WWOX: variants seen among roughly 807,000 people sequenced by gnomAD.
WWOX encodes the protein WW domain containing oxidoreductase, also known as WW domain-containing oxidoreductase.
Under a neutral mutation model 46.2 loss-of-function variants are expected in WWOX, and 69 were observed. That is an observed-to-expected ratio of 1.49 (90% CI 1.23 to 1.82). The LOEUF (loss-of-function observed/expected upper bound fraction) is 1.82. WWOX is among the 40% of genes most tolerant of loss of function. The pLI is 0.00. For missense variants in WWOX, 919 were observed against 542.6 expected, an observed-to-expected ratio of 1.69 and a Z score of -6.89; for synonymous variants, 359 against 202.6, an observed-to-expected ratio of 1.77 and a Z score of -6.56.
intron 8 of WWOX, among the ~76,000 whole-genome samples, chr16:78,685,952 G>C (rs1003909280): frequency 2.1e-4 from 32 of 151,968 alleles, no homozygotes; most frequent in African/African-American, 7.2e-4. Flanking sequence ...GAGAGACATG[G>C]ACCCACGGGG....
intron 5 of WWOX, among the ~76,000 whole-genome samples, chr16:78,359,520 A>G (rs1409602535): frequency 6.6e-6 from 1 of 152,158 alleles, no homozygotes; most frequent in Non-Finnish European, 1.5e-5. Flanking sequence ...TTTTTAATCT[A>G]TCTTAGAGCT....
At chr16:78,602,462 G>A (rs981722927) in intron 8 of WWOX, among the ~76,000 whole-genome samples, 3 of 152,106 alleles carry the variant, frequency 2.0e-5, no homozygotes, top group African/African-American at 7.2e-5. Flanking sequence ...TCGAACTCCT[G>A]CCCTTGTGAT....
intron 8 of WWOX, among the ~76,000 whole-genome samples, chr16:79,142,879 T>G (rs1237440379): frequency 6.6e-6 from 1 of 151,994 alleles, no homozygotes; most frequent in Non-Finnish European, 1.5e-5. Flanking sequence ...TTATATATAT[T>G]TTTTTACAGA....
chr16:78,776,530 C>T (rs776538411), intron 8 of WWOX, among the ~76,000 whole-genome samples: 2 of 152,096 alleles, frequency 1.3e-5, no homozygotes, highest in Non-Finnish European at 2.9e-5. Context: ...ACATGATGAC[C>T]TGTTTAGCAG....
At chr16:78,198,065 C>T (rs1000465378) in intron 5 of WWOX, among the ~76,000 whole-genome samples, 3 of 151,944 alleles carry the variant, frequency 2.0e-5, no homozygotes, top group African/African-American at 7.3e-5. Flanking sequence ...AAAAAGTGGC[C>T]ACTGTCTCCT....
intron 8 of WWOX, among the ~76,000 whole-genome samples, chr16:79,071,830 C>T (rs142395273): frequency 1.3e-5 from 2 of 152,318 alleles, no homozygotes; most frequent in East Asian, 3.9e-4. Flanking sequence ...GTGTTGGGAG[C>T]TCTGCTTCTC....
At chr16:78,347,195 C>A (rs1597073059) in intron 5 of WWOX, among the ~76,000 whole-genome samples, 1 of 117,734 alleles carries the variant, frequency 8.5e-6, no homozygotes, top group East Asian at 1.9e-4. Context: ...TAATTATCTC[C>A]TTCCCCCGCC....
At position 78,586,076 on chromosome 16, in the gene WWOX, G is replaced by A. The variant is rs1435460594; in HGVS notation, c.1056+153324G>A. ...CAAACAAACAGACAAACAAAATTAG[G>A]CCAGGTGTGATGGCTTATACCTGTA... is the stretch of plus-strand genomic sequence containing the variant. On this transcript the variant is annotated intron_variant, in intron 8 of 8. Coordinates refer to ENST00000566780, the MANE Select transcript of WWOX (RefSeq NM_016373.4). Among the ~76,000 whole-genome samples the A allele has an allele frequency of 3.3e-5, 5 of 152,072 alleles. 1 individual carries two copies.
chr16:78,660,320 G>C (rs2047181647), intron 8 of WWOX, among the ~76,000 whole-genome samples: 1 of 152,122 alleles, frequency 6.6e-6, no homozygotes, highest in South Asian at 2.1e-4. Context: ...CTCTTCCCTG[G>C]CAGACAGTGG....
chr16:78,613,830 G>A (rs892316881), intron 8 of WWOX, among the ~76,000 whole-genome samples: 12 of 152,198 alleles, frequency 7.9e-5, no homozygotes, highest in Admixed American at 3.9e-4. Context: ...CAAATTTTAA[G>A]AAGAGAATAC....
At chr16:78,300,190 T>C (rs1024059733) in intron 5 of WWOX, among the ~76,000 whole-genome samples, 3 of 152,228 alleles carry the variant, frequency 2.0e-5, no homozygotes, top group African/African-American at 4.8e-5. Context: ...TCTACGTTTA[T>C]TCAATAATTT....
chr16:79,099,992 G>T (rs1274123513), intron 8 of WWOX, among the ~76,000 whole-genome samples: 1 of 152,200 alleles, frequency 6.6e-6, no homozygotes, highest in East Asian at 1.9e-4. Context: ...TCCACAGGCA[G>T]AATTTCTTCT....
At chr16:79,193,774 C>G (rs916332680) in intron 8 of WWOX, among the ~76,000 whole-genome samples, 1 of 152,190 alleles carries the variant, frequency 6.6e-6, no homozygotes, top group Non-Finnish European at 1.5e-5. Flanking sequence ...CAAAGCCCAG[C>G]TCCTCACAAA....
At chr16:78,573,747 G>C (rs1432230957) in intron 8 of WWOX, among the ~76,000 whole-genome samples, 1 of 152,190 alleles carries the variant, frequency 6.6e-6, no homozygotes, top group African/African-American at 2.4e-5. Flanking sequence ...CTTGCTTCCT[G>C]TCCTTGCCAC....
At chr16:79,178,268 G>T (rs1465177728) in intron 8 of WWOX, among the ~76,000 whole-genome samples, 1 of 152,158 alleles carries the variant, frequency 6.6e-6, no homozygotes, top group Admixed American at 6.5e-5. Context: ...AAAACAGTGG[G>T]CAGGATTTGA....
intron 8 of WWOX, among the ~76,000 whole-genome samples, chr16:79,052,058 C>G (rs2911434): frequency 0.097 from 14,297 of 147,898 alleles, 1,463 homozygotes; most frequent in African/African-American, 0.26. Flanking sequence ...TTTAATTATA[C>G]TTTAAGTTTT....
intron 8 of WWOX, among the ~76,000 whole-genome samples, chr16:78,787,185 A>G (rs574574990): frequency 8.5e-5 from 13 of 152,256 alleles, no homozygotes; most frequent in Non-Finnish European, 1.6e-4. Flanking sequence ...AAAAAAGTTC[A>G]CCACTTTGAC....
chr16:78,258,560 C>G (rs1397702609), intron 5 of WWOX, among the ~76,000 whole-genome samples: 1 of 152,052 alleles, frequency 6.6e-6, no homozygotes, highest in Admixed American at 6.6e-5. Context: ...GAGGCCTTGA[C>G]AGTTCCATGG....
At chr16:78,586,070 A>G (rs1377266650) in intron 8 of WWOX, among the ~76,000 whole-genome samples, 1 of 151,956 alleles carries the variant, frequency 6.6e-6, no homozygotes, top group Non-Finnish European at 1.5e-5. Flanking sequence ...AGACAAACAA[A>G]ATTAGGCCAG....
Sources: allele counts gnomAD v4.1 joint callset (sites outside exome capture counted in the v4.1 genomes callset), GRCh38; gene constraint gnomAD v4.1.1; transcripts MANE v1.5; gene names NCBI Gene and HGNC (gene_info 2026-07-23, HGNC 2026-07-21).